SLC11A2: variants seen among roughly 807,000 people sequenced by gnomAD.
SLC11A2 encodes the protein natural resistance-associated macrophage protein 2.
In SLC11A2, 38 loss-of-function variants were observed where a neutral mutation model predicts 68.0. The observed-to-expected ratio is 0.56, with a 90% CI of 0.43 to 0.73. The LOEUF (loss-of-function observed/expected upper bound fraction) is 0.73, where lower values mean the gene tolerates loss of function less well. SLC11A2 is among the 30% of genes least tolerant of loss of function. SLC11A2 has a pLI of 0.00. For synonymous variants in SLC11A2, 242 were observed against 250.6 expected, an observed-to-expected ratio of 0.97 and a Z score of 0.32; for missense variants, 517 against 690.5, an observed-to-expected ratio of 0.75 and a Z score of 2.82.
chr12:50,961,886 G>A, the SLC11A2 span, among the ~76,000 whole-genome samples: 17 of 152,268 alleles, frequency 1.1e-4, no homozygotes, highest in African/African-American at 4.1e-4. Flanking sequence ...ACTGTGAGCT[G>A]TAATGTGCTC....
Position 50,990,926 on chromosome 12 carries a change from T to C in SLC11A2, c.1444A>G (p.Ile482Val), listed in dbSNP as rs768766434. 6 of 1,614,040 alleles carry C rather than the reference T, an allele frequency of 3.7e-6. No individual in the cohort carries two copies. In the African/African-American group the frequency reaches 8.0e-5, roughly 22 times the overall value. Residue 482 changes from isoleucine to valine, a missense_variant, in exon 15 of 16, where the codon ATC becomes GTC. Physicochemically the swap from Ile to Val is conservative, Grantham distance 29. Transcript: ENST00000262052. ...ATGGAACAGATGATAAGGACCAAGA[T>C]TCCTCCTGCAATCCGCCAGCCTCTG... ...NGLGWRIAGG[I>V]LVLIICSINM...
At chr12:50,985,627 C>T (rs763829041), downstream of SLC11A2, among the ~76,000 whole-genome samples, 11 of 152,114 alleles carry the variant, frequency 7.2e-5, no homozygotes, top group Admixed American at 6.5e-4. Flanking sequence ...ATTGGCAGCA[C>T]ATATAGAATG....
At chr12:51,008,223 CAGATAGATAGATAGATAGAT>C (rs10602867) in intron 3 of SLC11A2, 4 of 359,582 alleles carry the variant, frequency 1.1e-5, no homozygotes, top group East Asian at 1.5e-4. Flanking sequence ...ATTAGATAGA[CAGATAGATAGATAGATAGAT>C]AGATAGATAG....
At chr12:50,956,267 C>T in the SLC11A2 span, among the ~76,000 whole-genome samples, 3 of 152,148 alleles carry the variant, frequency 2.0e-5, no homozygotes, top group Non-Finnish European at 2.9e-5. Flanking sequence ...TGGCAGGCGC[C>T]TGTAGTCCCA....
At chr12:50,978,499 G>C (rs1439615083), downstream of SLC11A2, among the ~76,000 whole-genome samples, 4 of 110,238 alleles carry the variant, frequency 3.6e-5, no homozygotes, top group African/African-American at 1.4e-4. Context: ...TTTTGGGGTG[G>C]GGGGAGGGGG....
chr12:51,008,211 A>T, intron 3 of SLC11A2: 1 of 364,818 alleles, frequency 2.7e-6, no homozygotes, highest in East Asian at 5.8e-5. Context: ...TCTGTAAAAA[A>T]GATTAGATAG....
the SLC11A2 span, among the ~76,000 whole-genome samples, chr12:50,962,403 C>T: frequency 6.7e-6 from 1 of 149,264 alleles, no homozygotes; most frequent in Non-Finnish European, 1.5e-5. Flanking sequence ...AAGAGTGAAA[C>T]TCCATCTAAA....
the SLC11A2 span, among the ~76,000 whole-genome samples, chr12:50,958,628 G>T: frequency 3.3e-5 from 5 of 152,010 alleles, no homozygotes; most frequent in Non-Finnish European, 7.4e-5. Context: ...GAATCACTCT[G>T]GCTGATATTA....
chr12:50,992,767 A>C, intron 12 of SLC11A2, 43 bp downstream of exon 12: 1 of 1,606,868 alleles, frequency 6.2e-7, no homozygotes. Context: ...AAGAAGTAAC[A>C]AAAGGGTTGT....
intron 15 of SLC11A2, chr12:50,990,538 C>T (rs1054067570): frequency 1.3e-5 from 6 of 447,254 alleles, no homozygotes; most frequent in African/African-American, 1.2e-4. Context: ...GTCTCGATCA[C>T]CTGGAGGTAG....
At chr12:51,006,760 C>CT (rs1243715386) in intron 3 of SLC11A2, among the ~76,000 whole-genome samples, 1 of 152,052 alleles carries the variant, frequency 6.6e-6, no homozygotes, top group Non-Finnish European at 1.5e-5. Context: ...CAACCAATTT[C>CT]TTTTTTTATT....
chr12:51,010,698 C>T lies in SLC11A2; in HGVS notation c.31G>A (p.Asp11Asn). The T allele has an allele frequency of 6.4e-7, 1 of 1,553,616 alleles. No individual in the cohort carries two copies. Among genetic ancestry groups the T allele is most frequent in the Non-Finnish European group, 8.9e-7 (1 of 1,124,128 alleles). ...ATAACACAAAGCGGTAAATTACCAT[C>T]TGACATCTTCTGTTCAGGACCCAGC... MVLGPEQKMSDDSVSGDHGES... is the reference protein window; with the variant it reads MVLGPEQKMSNDSVSGDHGES... The change falls in exon 2 of 16, where the codon GAT (aspartate) becomes AAT (asparagine). Residue 11 changes from aspartate to asparagine, a missense_variant. Physicochemically the swap from Asp to Asn is conservative, Grantham distance 23. Coordinates refer to ENST00000262052, the MANE Select transcript of SLC11A2 (RefSeq NM_000617.3).
chr12:50,989,437 G>C (rs1333280465), intron 15 of SLC11A2, among the ~76,000 whole-genome samples: 1 of 152,178 alleles, frequency 6.6e-6, no homozygotes, highest in Non-Finnish European at 1.5e-5. Context: ...GTTGCAGTGA[G>C]CTAAGATCAT....
chr12:50,986,860 A>G lies in SLC11A2; in HGVS notation c.*1465T>C. 1 of 1,287,204 alleles carries G rather than the reference A, an allele frequency of 7.8e-7. No homozygotes were observed. The highest frequency in any genetic ancestry group is 1.0e-6 in the Non-Finnish European group (1 of 988,686). 79.7% of individuals were successfully genotyped at this position (1,287,204 alleles called of 1,614,324 possible). A position where few individuals can be genotyped will look rare whatever the true frequency, so the allele number is the denominator to read the frequency against. On this transcript the variant is annotated 3_prime_UTR_variant, in exon 16 of 16. Transcript: ENST00000262052. ...CAGTCTGCGCTTTTGACTGTGTGCAAGTATCAGTAATAATGCTTTTGGGGG... is the reference window on the plus strand; with the variant it reads ...CAGTCTGCGCTTTTGACTGTGTGCAGGTATCAGTAATAATGCTTTTGGGGG...
At chr12:50,981,537 AGGTG>A (rs1189105359), downstream of SLC11A2, 1 of 545,960 alleles carries the variant, frequency 1.8e-6, no homozygotes, top group Admixed American at 2.6e-5. Flanking sequence ...GACTGTTATG[AGGTG>A]GGTGGGTCTC....
the SLC11A2 span, among the ~76,000 whole-genome samples, chr12:50,972,122 C>T: frequency 2.2e-4 from 34 of 152,314 alleles, no homozygotes; most frequent in Admixed American, 7.8e-4. Context: ...CTGAGGACAG[C>T]TGGCATGGAA....
At chr12:50,967,281 G>A in the SLC11A2 span, among the ~76,000 whole-genome samples, 4 of 152,090 alleles carry the variant, frequency 2.6e-5, no homozygotes, top group African/African-American at 9.7e-5. Context: ...ACAGAGCTGG[G>A]ACTACAGGTA....
At chr12:51,006,710 G>A (rs1267118327) in intron 3 of SLC11A2, among the ~76,000 whole-genome samples, 1 of 152,036 alleles carries the variant, frequency 6.6e-6, no homozygotes, top group Non-Finnish European at 1.5e-5. Context: ...ACACTCCACA[G>A]CCCCTCATTT....
At position 51,005,407 on chromosome 12, in the gene SLC11A2, CCA is replaced by C; in HGVS notation, c.211_212del (p.Trp71GlyfsTer20). 1.2e-6 allele frequency: 2 copies of C among 1,613,780 alleles called. No individual in the cohort carries two copies. The highest frequency in any genetic ancestry group is 1.7e-6 in the Non-Finnish European group (2 of 1,179,898). On this transcript the variant is annotated frameshift_variant, in exon 4 of 16. Coordinates refer to ENST00000262052, the MANE Select transcript of SLC11A2 (RefSeq NM_000617.3). LOFTEE classifies it high-confidence loss of function. Reference protein sequence around the residue: ...EYSCFSFRKLWAFTGPGFLMS... With the variant: ...EYSCFSFRKLXAFTGPGFLMS... ...TAAGAAAACCTGGTCCGGTGAAAGC[CCA>C]GAGTTTACGAAAGCTAAAACAAGAG...
Sources: gnomAD v4.1 joint callset for allele counts (sites outside exome capture counted in the v4.1 genomes callset) on GRCh38, gnomAD v4.1.1 for gene constraint, MANE v1.5 for transcripts, NCBI Gene and HGNC (gene_info 2026-07-23, HGNC 2026-07-21) for gene names.